PTPRD: variants seen among roughly 807,000 people sequenced by gnomAD.
PTPRD encodes protein tyrosine phosphatase receptor type D.
In PTPRD, 34 loss-of-function variants were observed where a neutral mutation model predicts 214.5. The ratio of observed to expected loss-of-function variants is 0.16; its 90% CI spans 0.12 to 0.21. PTPRD has a LOEUF of 0.21. Ranked by LOEUF, PTPRD falls within the 10% of genes least tolerant of loss-of-function variation. PTPRD has a pLI of 1.00. For missense variants in PTPRD, 2,545 were observed against 2,398.7 expected, an observed-to-expected ratio of 1.06 and a Z score of -1.27; for synonymous variants, 1,128 against 845.7, an observed-to-expected ratio of 1.33 and a Z score of -5.79.
At chr9:8,776,788 G>A (rs2095494692) in intron 11 of PTPRD, among the ~76,000 whole-genome samples, 1 of 145,952 alleles carries the variant, frequency 6.9e-6, no homozygotes, top group Admixed American at 6.9e-5. Context: ...TAAAAAATAT[G>A]TATTATATAT....
intron 32 of PTPRD, among the ~76,000 whole-genome samples, chr9:8,461,361 G>A (rs955264291): frequency 1.3e-5 from 2 of 152,030 alleles, no homozygotes; most frequent in African/African-American, 4.8e-5. Flanking sequence ...TACTTTTTAA[G>A]AATACAGTTA....
chr9:9,951,733 A>G (rs1468028908), intron 4 of PTPRD, among the ~76,000 whole-genome samples: 1 of 152,244 alleles, frequency 6.6e-6, no homozygotes, highest in East Asian at 1.9e-4. Flanking sequence ...ACGGGGAAGT[A>G]TAATTCTGCA....
intron 14 of PTPRD, among the ~76,000 whole-genome samples, chr9:8,611,921 C>T (rs934898952): frequency 7.1e-5 from 8 of 112,966 alleles, no homozygotes; most frequent in Non-Finnish European, 1.1e-4. Context: ...AATATCAAGA[C>T]CTTGTGAAAA....
intron 3 of PTPRD, among the ~76,000 whole-genome samples, chr9:10,189,196 T>A (rs1250057477): frequency 6.6e-6 from 1 of 152,164 alleles, no homozygotes; most frequent in Non-Finnish European, 1.5e-5. Context: ...TTTGGAATCC[T>A]AACTGGTCCC....
At chr9:9,513,208 G>A (rs542369386) in intron 8 of PTPRD, among the ~76,000 whole-genome samples, 33 of 151,918 alleles carry the variant, frequency 2.2e-4, no homozygotes, top group Admixed American at 2.0e-3. Context: ...AACCCAACTA[G>A]GATTTCAAAC....
chr9:10,286,154 G>T (rs1319969022), intron 3 of PTPRD, among the ~76,000 whole-genome samples: 1 of 152,048 alleles, frequency 6.6e-6, no homozygotes, highest in Non-Finnish European at 1.5e-5. Context: ...CCTTTTGTAT[G>T]CATGTACCAA....
Position 8,341,759 on chromosome 9 carries a change from G to C in PTPRD, c.4881C>G (p.Ala1627=), listed in dbSNP as rs2132494029. The C allele has an allele frequency of 1.2e-6, 2 of 1,613,528 alleles. No individual in the cohort carries two copies. Among genetic ancestry groups the C allele is most frequent in the East Asian group, 2.2e-5 (1 of 44,806 alleles). Residue 1627 remains alanine (A), a synonymous_variant, in exon 40 of 46, where the codon GCC becomes GCG. Transcript: ENST00000381196. The part of the protein sequence containing the change: ...NTEVPARNLY[A]YIQKLTQIET... ...CTATTTGTGTCAGCTTCTGAATGTAGGCATACAAGTTTCTAGCTGGCACTT... is the reference window on the plus strand; with the variant it reads ...CTATTTGTGTCAGCTTCTGAATGTACGCATACAAGTTTCTAGCTGGCACTT...
chr9:9,717,861 A>T (rs2097860783), intron 7 of PTPRD, among the ~76,000 whole-genome samples: 1 of 152,162 alleles, frequency 6.6e-6, no homozygotes, highest in Admixed American at 6.5e-5. Context: ...TAAAACACTT[A>T]GGGCAAAAAA....
At chr9:9,753,953 T>C (rs1247765025) in intron 6 of PTPRD, among the ~76,000 whole-genome samples, 1 of 152,096 alleles carries the variant, frequency 6.6e-6, no homozygotes, top group East Asian at 1.9e-4. Context: ...TCAGATGTTC[T>C]TCCCATAAGC....
At position 10,421,864 on chromosome 9, in the gene PTPRD, A is replaced by T. The variant is rs76682925; in HGVS notation, c.-599-80847T>A. Reference sequence around the variant, plus strand: ...CTTTGGTTAATTTTATTCATATGCCAATAACAGCAGTCCTTTATTATTCAT... The same window carrying T: ...CTTTGGTTAATTTTATTCATATGCCTATAACAGCAGTCCTTTATTATTCAT... On this transcript the variant is annotated intron_variant, in intron 2 of 45. Transcript: ENST00000381196. 6.8e-3 allele frequency among the ~76,000 whole-genome samples: 1,030 copies of T among 151,972 alleles called. 14 individuals are homozygous for T. Among genetic ancestry groups the T allele is most frequent in the African/African-American group, 0.023 (975 of 41,508 alleles).
chr9:9,864,553 C>G (rs1047561455), intron 5 of PTPRD, among the ~76,000 whole-genome samples: 9 of 152,104 alleles, frequency 5.9e-5, no homozygotes, highest in African/African-American at 2.2e-4. Flanking sequence ...CGGTCTCACT[C>G]TGTTACCCTG....
At chr9:10,484,663 T>A (rs1167838155) in intron 2 of PTPRD, among the ~76,000 whole-genome samples, 1 of 152,048 alleles carries the variant, frequency 6.6e-6, no homozygotes, top group Admixed American at 6.6e-5. Context: ...TTTTCATATG[T>A]CTGCCATTGA....
Position 8,317,221 on chromosome 9 carries a change from G to A in PTPRD, c.*653C>T, listed in dbSNP as rs945050276. On this transcript the variant is annotated 3_prime_UTR_variant, in exon 46 of 46. Coordinates refer to ENST00000381196, the MANE Select transcript of PTPRD (RefSeq NM_002839.4). The stretch of plus-strand genomic sequence containing the variant: ...AGATATTACAGATAACAGTTCTACA[G>A]CTTAAAAAAACCTACGATTTGGAAA... 6.5e-5 allele frequency: 15 copies of A among 231,010 alleles called. No homozygotes were observed. Among genetic ancestry groups the A allele is most frequent in the Non-Finnish European group, 1.2e-4 (14 of 116,794 alleles). 14.3% of individuals were successfully genotyped at this position (231,010 alleles called of 1,614,324 possible).
At chr9:9,160,018 G>A (rs774737348) in intron 10 of PTPRD, among the ~76,000 whole-genome samples, 13 of 152,098 alleles carry the variant, frequency 8.5e-5, no homozygotes, top group Admixed American at 1.3e-4. Flanking sequence ...GAATGACACT[G>A]TATCTTTATC....
intron 4 of PTPRD, among the ~76,000 whole-genome samples, chr9:9,969,709 TG>T (rs2094958973): frequency 6.6e-6 from 1 of 152,238 alleles, no homozygotes; most frequent in Admixed American, 6.5e-5. Flanking sequence ...TGATCAACCT[TG>T]AATAGAAATA....
intron 2 of PTPRD, among the ~76,000 whole-genome samples, chr9:10,552,708 A>G (rs2061605293): frequency 6.6e-6 from 1 of 151,838 alleles, no homozygotes; most frequent in Non-Finnish European, 1.5e-5. Context: ...GGAGATTTCT[A>G]TTTCCTTTCA....
chr9:8,632,195 C>G, intron 14 of PTPRD, among the ~76,000 whole-genome samples: 1 of 149,656 alleles, frequency 6.7e-6, no homozygotes, highest in Non-Finnish European at 1.5e-5. Flanking sequence ...TAAATTTGAC[C>G]TACATTACTA....
chr9:9,327,833 G>A (rs2136326111), intron 9 of PTPRD, among the ~76,000 whole-genome samples: 1 of 151,546 alleles, frequency 6.6e-6, no homozygotes, highest in East Asian at 1.9e-4. Context: ...TGGCTTCCCT[G>A]GGCCACGTTG....
chr9:9,608,330 TG>T (rs2094311525), intron 7 of PTPRD, among the ~76,000 whole-genome samples: 2 of 152,226 alleles, frequency 1.3e-5, no homozygotes, highest in African/African-American at 4.8e-5. Context: ...CTCTGGTGCA[TG>T]GTTATTTAAC....
Sources: allele counts gnomAD v4.1 joint callset (sites outside exome capture counted in the v4.1 genomes callset), GRCh38; gene constraint gnomAD v4.1.1; transcripts MANE v1.5; gene names NCBI Gene and HGNC (gene_info 2026-07-23, HGNC 2026-07-21).